The following CDH24 variants were observed in gnomAD, a reference collection of about 807,000 sequenced individuals.
The protein encoded by CDH24 is cadherin 24.
A neutral mutation model predicts 71.2 loss-of-function variants in CDH24; 61 were observed. The ratio of observed to expected loss-of-function variants is 0.86; its 90% CI spans 0.70 to 1.06. The LOEUF is 1.06. Ranked by LOEUF, CDH24 falls within the 50% of genes least tolerant of loss-of-function variation. The pLI is 0.00. For synonymous variants in CDH24, 440 were observed against 470.2 expected (o/e 0.94, Z 0.83); for missense variants, 961 against 1,083.7 (o/e 0.89, Z 1.59).
rs771089721 is a variant in CDH24, at chr14:23,048,110, G to T, written c.2216C>A (p.Ser739Tyr). Residue 739 changes from serine (S) to tyrosine (Y), a missense_variant, in exon 12 of 13, where the codon TCC (serine) becomes TAC (tyrosine). This residue lies in a region of CDH24 where 290 missense variants were observed against 272.8 expected (regional missense o/e 1.06). Coordinates refer to ENST00000487137, the MANE Select transcript of CDH24 (RefSeq NM_144985.4). ...GCTGCCGGAGCCCAGGGAGCTGAGGGAGCCGCAAGAGGAGCCGCGGCCCTC... is the reference window on the plus strand; with the variant it reads ...GCTGCCGGAGCCCAGGGAGCTGAGGTAGCCGCAAGAGGAGCCGCGGCCCTC... ...GYEGRGSSCGSLSSLGSGSEA... is the reference protein window; with the variant it reads ...GYEGRGSSCGYLSSLGSGSEA... 7.1e-7 allele frequency: 1 copy of T among 1,406,532 alleles called. No homozygotes were observed. Among genetic ancestry groups the T allele is most frequent in the Non-Finnish European group, 9.2e-7 (1 of 1,085,962 alleles). 87.1% of individuals were successfully genotyped at this position (1,406,532 alleles called of 1,614,324 possible). A position where few individuals can be genotyped will look rare whatever the true frequency, so the allele number is the denominator to read the frequency against.
In CDH24 at chr14:23,055,039, T is replaced by C; in HGVS notation, c.496+20A>G. On this transcript the variant is annotated intron_variant, in intron 3 of 12. Coordinates refer to ENST00000487137, the MANE Select transcript of CDH24 (RefSeq NM_144985.4). This position sits in a 1 kb window ranked among gnomAD's most constrained non-coding sequence, Gnocchi z 4.1. ...GCTCCAGAAGACGGGAACTGGGGCA[T>C]TCAGAGCTGGGGTGCTCACCGACAT... 1 of 1,602,864 alleles carries C rather than the reference T, an allele frequency of 6.2e-7. No homozygotes were observed. Among genetic ancestry groups the C allele is most frequent in the Non-Finnish European group, 8.5e-7 (1 of 1,171,816 alleles).
rs146866362 is a variant in CDH24, at chr14:23,057,473, A to G, written c.-195T>C. On this transcript the variant is annotated 5_prime_UTR_variant, in exon 1 of 13. Coordinates refer to ENST00000487137, the MANE Select transcript of CDH24 (RefSeq NM_144985.4). This position sits in a 1 kb window ranked among gnomAD's most constrained non-coding sequence, Gnocchi z 5.4. ...GCCCCCGTCGCCGGGTCCCGGGGGC[A>G]CAGCCCCGAGCCGATTGGAGCGGGC... 0.15 allele frequency: 22,590 copies of G among 152,036 alleles called. 2,341 individuals are homozygous for G. The highest frequency in any genetic ancestry group is 0.29 in the African/African-American group (12,012 of 41,464). The allele number at this position is 152,036 out of a possible 1,614,324, so 9.4% of individuals were successfully genotyped here.
rs1206250095 is a variant in CDH24, at chr14:23,055,240, C to T, written c.315G>A (p.Lys105=). 1.9e-6 allele frequency: 3 copies of T among 1,614,032 alleles called. No homozygotes were observed. Among genetic ancestry groups the T allele is most frequent in the East Asian group, 2.2e-5 (1 of 44,894 alleles). Residue 105 remains lysine (K), a synonymous_variant, in exon 3 of 13, where the codon AAG becomes AAA. Transcript: ENST00000487137. This position sits in a 1 kb window ranked among gnomAD's most constrained non-coding sequence, Gnocchi z 4.1. ...GCGCCTTTTCCTCCCGGTCAAGGCTCTTGGTAACATGAATATTGCCTGTGG... is the reference window on the plus strand; with the variant it reads ...GCGCCTTTTCCTCCCGGTCAAGGCTTTTGGTAACATGAATATTGCCTGTGG... The part of the protein sequence containing the change: ...DEATGNIHVT[K]SLDREEKAQY...
intron 8 of CDH24, among the ~76,000 whole-genome samples, chr14:23,050,757 C>T (rs573616785): frequency 6.6e-6 from 1 of 152,342 alleles, no homozygotes; most frequent in East Asian, 1.9e-4. Flanking sequence ...AAGTGTGTCT[C>T]CCTGTCACCT....
In CDH24 at chr14:23,049,929, C is replaced by A. The variant is rs1271622973; in HGVS notation, c.1378G>T (p.Ala460Ser). 1 of 1,613,808 alleles carries A rather than the reference C, an allele frequency of 6.2e-7. No homozygotes were observed. The highest frequency in any genetic ancestry group is 8.5e-7 in the Non-Finnish European group (1 of 1,179,982). The change falls in exon 9 of 13, where the codon GCC becomes TCC. Residue 460 changes from alanine (A) to serine (S), a missense_variant. Physicochemically the swap from Ala to Ser is moderately conservative, Grantham distance 99 (BLOSUM62 1). Around this residue, in one of 2 missense-constraint regions of CDH24, gnomAD observed 671 missense variants for 810.9 expected, o/e 0.83. Coordinates refer to ENST00000487137, the MANE Select transcript of CDH24 (RefSeq NM_144985.4). ...LATELDSSAQ[A>S]SRVQVAIQTL... ...TGGATGGCCACTTGCACGCGCGAGG[C>A]CTGTGCAGAACTGTCTGAAGGCAGA...
At chr14:23,056,235 G>T (rs2047129091) in intron 1 of CDH24, among the ~76,000 whole-genome samples, 1 of 152,242 alleles carries the variant, frequency 6.6e-6, no homozygotes, top group Non-Finnish European at 1.5e-5. Context: ...ATTCATGGAG[G>T]TGTGGCCTTA....
Position 23,055,880 on chromosome 14 carries a change from G to T in CDH24, c.-124-23C>A. 1.5e-6 allele frequency: 1 copy of T among 677,690 alleles called. No individual in the cohort carries two copies. Among genetic ancestry groups the T allele is most frequent in the Non-Finnish European group, 2.4e-6 (1 of 409,702 alleles). 42.0% of individuals were successfully genotyped at this position (677,690 alleles called of 1,614,324 possible). ...CACCTGCAGGACAAGCAGCTGCTCA[G>T]GCTCAAGGAAACCCCTAGCCCTCCT... On this transcript the variant is annotated intron_variant, in intron 1 of 12. Transcript: ENST00000487137. This position sits in a 1 kb window ranked among gnomAD's most constrained non-coding sequence, Gnocchi z 4.1.
intron 8 of CDH24, among the ~76,000 whole-genome samples, chr14:23,050,409 G>A (rs2047077240): frequency 1.3e-5 from 2 of 151,864 alleles, no homozygotes; most frequent in South Asian, 2.1e-4. Flanking sequence ...CACATCCCCC[G>A]ACAACACCCA....
In CDH24 at chr14:23,051,164, A is replaced by C. The variant is rs559069130; in HGVS notation, c.1364-1221T>G. 1.2e-4 allele frequency among the ~76,000 whole-genome samples: 18 copies of C among 152,314 alleles called. No homozygotes were observed. The highest frequency in any genetic ancestry group is 4.3e-4 in the African/African-American group (18 of 41,564). ...GTGCACTGCCAGGTAGTATCTGTGC[A>C]TATCTACTATGCACACAGTTGCATG... is the stretch of plus-strand genomic sequence containing the variant. On this transcript the variant is annotated intron_variant, in intron 8 of 12. Coordinates refer to ENST00000487137, the MANE Select transcript of CDH24 (RefSeq NM_144985.4). The surrounding 1 kb of genome is among the most constrained non-coding windows in gnomAD (Gnocchi z 4.4).
At position 23,049,706 on chromosome 14, in the gene CDH24, A is replaced by T; in HGVS notation, c.1518T>A (p.Asp506Glu). 1 of 1,612,430 alleles carries T rather than the reference A, an allele frequency of 6.2e-7. No individual in the cohort carries two copies. The highest frequency in any genetic ancestry group is 8.5e-7 in the Non-Finnish European group (1 of 1,178,868). Residue 506 changes from aspartate (D) to glutamate (E), a missense_variant, in exon 10 of 13, where the codon GAT (aspartate) becomes GAA (glutamate). Coordinates refer to ENST00000487137, the MANE Select transcript of CDH24 (RefSeq NM_144985.4). ...LIQVIRALDR[D>E]EVGNSSHVSF... ...AGACATGGCTACTGTTGCCAACTTC[A>T]TCTCTGTCCAGGGCCCGGATGACCT...
rs1160397211 is a variant in CDH24, at chr14:23,048,066, C to T, written c.2260G>A (p.Gly754Ser). 2 of 1,434,332 alleles carry T rather than the reference C, an allele frequency of 1.4e-6. No individual in the cohort carries two copies. Among genetic ancestry groups the T allele is most frequent in the South Asian group, 1.4e-5 (1 of 73,786 alleles). The allele number at this position is 1,434,332 out of a possible 1,614,324, so 88.9% of individuals were successfully genotyped here. The change falls in exon 12 of 13, where the codon GGC becomes AGC. Residue 754 changes from glycine (G) to serine (S), a missense_variant. Physicochemically the swap from Gly to Ser is moderately conservative, Grantham distance 56. Coordinates refer to ENST00000487137, the MANE Select transcript of CDH24 (RefSeq NM_144985.4). ...CAGTCGTCCAGCGGCTCCGCGGGGC[C>T]GGGGGCGCCGCCGGCTTCGCTGCCG... ...GSGSEAGGAPGPAEPLDDWGP... is the reference protein window; with the variant it reads ...GSGSEAGGAPSPAEPLDDWGP...
Position 23,048,090 on chromosome 14 carries a change from CGGAGCCCAGGGAGCTGAG to C in CDH24, c.2218_2235del (p.Leu740_Ser745del). 7.0e-7 allele frequency: 1 copy of C among 1,418,684 alleles called. No homozygotes were observed. Among genetic ancestry groups the C allele is most frequent in the Non-Finnish European group, 9.2e-7 (1 of 1,092,272 alleles). 87.9% of individuals were successfully genotyped at this position (1,418,684 alleles called of 1,614,324 possible). A position where few individuals can be genotyped will look rare whatever the true frequency, so the allele number is the denominator to read the frequency against. On this transcript the variant is annotated inframe_deletion, in exon 12 of 13. Transcript: ENST00000487137. ...CCGGGGGCGCCGCCGGCTTCGCTGC[CGGAGCCCAGGGAGCTGAG>C]GGAGCCGCAAGAGGAGCCGCGGCCC...
At position 23,053,593 on chromosome 14, in the gene CDH24, C is replaced by T; in HGVS notation, c.1129G>A (p.Ala377Thr). ...TCAGGCACTGTCAGGTGGTAGGCAGCCTGGGTGAAGGCAGGTGGCTCTGGG... is the reference window on the plus strand; with the variant it reads ...TCAGGCACTGTCAGGTGGTAGGCAGTCTGGGTGAAGGCAGGTGGCTCTGGG... The part of the protein sequence containing the change: ...DAPEPPAFTQ[A>T]AYHLTVPENK... Residue 377 changes from alanine (A) to threonine (T), a missense_variant, in exon 7 of 13, where the codon GCT (alanine) becomes ACT (threonine). Around this residue, in one of 2 missense-constraint regions of CDH24, gnomAD observed 671 missense variants for 810.9 expected, o/e 0.83. Coordinates refer to ENST00000487137, the MANE Select transcript of CDH24 (RefSeq NM_144985.4). The T allele has an allele frequency of 6.2e-7, 1 of 1,613,294 alleles. No individual in the cohort carries two copies. Among genetic ancestry groups the T allele is most frequent in the Non-Finnish European group, 8.5e-7 (1 of 1,179,496 alleles).
intron 10 of CDH24, 98 bp downstream of exon 10, chr14:23,049,529 G>A (rs1028358495): frequency 3.8e-6 from 3 of 779,594 alleles, no homozygotes; most frequent in African/African-American, 1.8e-5. Context: ...AGAAGGCCGA[G>A]GCAGGTGGGG....
intron 7 of CDH24, 145 bp downstream of exon 7, chr14:23,053,351 T>G (rs2047098353): frequency 9.8e-7 from 1 of 1,022,358 alleles, no homozygotes; most frequent in Non-Finnish European, 1.4e-6. Context: ...CACCCAGGCC[T>G]GCAGACCAGC....
chr14:23,050,806 C>G (rs182925102), intron 8 of CDH24, among the ~76,000 whole-genome samples: 1 of 152,200 alleles, frequency 6.6e-6, no homozygotes, highest in Admixed American at 6.5e-5. Flanking sequence ...AGTCTTTCCC[C>G]TAGGCAGAGG....
At position 23,049,923 on chromosome 14, in the gene CDH24, G is replaced by A. The variant is rs768637763; in HGVS notation, c.1384C>T (p.Arg462Cys). ...TELDSSAQAS[R>C]VQVAIQTLDE... ...AGGGTCTGGATGGCCACTTGCACGCGCGAGGCCTGTGCAGAACTGTCTGAA... is the reference window on the plus strand; with the variant it reads ...AGGGTCTGGATGGCCACTTGCACGCACGAGGCCTGTGCAGAACTGTCTGAA... The change falls in exon 9 of 13, where the codon CGC becomes TGC. Residue 462 changes from arginine (R) to cysteine (C), a missense_variant. Arg to Cys is a radical substitution (Grantham distance 180). Around this residue, in one of 2 missense-constraint regions of CDH24, gnomAD observed 671 missense variants for 810.9 expected, o/e 0.83. Transcript: ENST00000487137. 9 of 1,613,738 alleles carry A rather than the reference G, an allele frequency of 5.6e-6. No homozygotes were observed. The highest frequency in any genetic ancestry group is 2.7e-5 in the African/African-American group (2 of 74,912).
chr14:23,050,474 G>A (rs1474986304), intron 8 of CDH24, among the ~76,000 whole-genome samples: 3 of 147,812 alleles, frequency 2.0e-5, no homozygotes, highest in Admixed American at 6.9e-5. Flanking sequence ...CCAGTGGGGT[G>A]GACAGACACA....
In CDH24 at chr14:23,049,046, G is replaced by C; in HGVS notation, c.1827C>G (p.Thr609=). ...ACTCACCAAGCAGGGCACCCACACA[G>C]GTGATGATGGCAAGCAGGGCGCCGG... The part of the protein sequence containing the change: ...LSTGALLAII[T]CVGALLALVV... Residue 609 remains threonine, a synonymous_variant, in exon 11 of 13, where the codon ACC becomes ACG. Transcript: ENST00000487137. 1 of 1,612,706 alleles carries C rather than the reference G, an allele frequency of 6.2e-7. No individual in the cohort carries two copies. Among genetic ancestry groups the C allele is most frequent in the Non-Finnish European group, 8.5e-7 (1 of 1,179,916 alleles).
Sources: allele counts gnomAD v4.1 joint callset (sites outside exome capture counted in the v4.1 genomes callset), GRCh38; gene constraint gnomAD v4.1.1; regional missense constraint gnomAD v4.1.1; non-coding constraint Gnocchi (gnomAD v3.1); transcripts MANE v1.5; gene names NCBI Gene and HGNC (gene_info 2026-07-23, HGNC 2026-07-21).